SLC30A6: variants seen among roughly 807,000 people sequenced by gnomAD.
The protein encoded by SLC30A6 is solute carrier family 30 member 6.
A neutral mutation model predicts 63.0 loss-of-function variants in SLC30A6; 55 were observed. That is an observed-to-expected ratio of 0.87 (90% CI 0.70 to 1.09). The LOEUF (loss-of-function observed/expected upper bound fraction) is 1.09. Ranked by LOEUF, SLC30A6 falls within the 50% of genes least tolerant of loss-of-function variation. The pLI is 0.00. For synonymous variants in SLC30A6, 224 were observed against 186.1 expected (o/e 1.20, Z -1.66); for missense variants, 587 against 549.2 (o/e 1.07, Z -0.69).
Position 32,220,706 on chromosome 2 carries a change from G to A in SLC30A6, c.1379G>A (p.Arg460Lys). 6.2e-7 allele frequency: 1 copy of A among 1,608,056 alleles called. No individual in the cohort carries two copies. Among genetic ancestry groups the A allele is most frequent in the Non-Finnish European group, 8.5e-7 (1 of 1,176,644 alleles). The change falls in exon 14 of 14, where the codon AGA becomes AAA. Residue 460 changes from arginine to lysine, a missense_variant. Physicochemically the swap from Arg to Lys is conservative, Grantham distance 26 (BLOSUM62 2). Transcript: ENST00000282587. ...YGTNNRIGQP[R>K]P The stretch of plus-strand genomic sequence containing the variant: ...ACTAATAATAGAATTGGACAACCAA[G>A]ACCATGATAGACTCTAACTTATTTT...
intron 2 of SLC30A6, 85 bp from the exon 3 acceptor site, chr2:32,173,978 A>G (rs1681470434): frequency 1.0e-6 from 1 of 959,246 alleles, no homozygotes; most frequent in Non-Finnish European, 1.6e-6. Context: ...TCCTTTGAAT[A>G]TCAGAGTATA....
rs750047129 is a variant in SLC30A6, at chr2:32,193,987, T to A, written c.496+4T>A. ...CCTTTTGCTTATGTCTCAGAAGGTA[T>A]GTTTTTTATTTACTATTAATTTAAA... On this transcript the variant is annotated splice_donor_region_variant and intron_variant, in intron 8 of 13. Transcript: ENST00000282587. 1 of 1,601,940 alleles carries A rather than the reference T, an allele frequency of 6.2e-7. No homozygotes were observed. Among genetic ancestry groups the A allele is most frequent in the African/African-American group, 1.3e-5 (1 of 74,432 alleles).
intron 2 of SLC30A6, among the ~76,000 whole-genome samples, chr2:32,173,609 C>G (rs1277628238): frequency 6.6e-6 from 1 of 152,046 alleles, no homozygotes; most frequent in Non-Finnish European, 1.5e-5. Flanking sequence ...TGACCTCCAC[C>G]CACCTTGGCC....
intron 5 of SLC30A6, among the ~76,000 whole-genome samples, chr2:32,189,118 G>T (rs1266374997): frequency 4.6e-5 from 7 of 152,020 alleles, no homozygotes; most frequent in Non-Finnish European, 8.8e-5. Flanking sequence ...TTTATGTTGG[G>T]TATGTGTATC....
In SLC30A6 at chr2:32,170,887, C is replaced by G. The variant is rs115470098; in HGVS notation, c.4-400C>G. On this transcript the variant is annotated intron_variant, in intron 1 of 13. Transcript: ENST00000282587. ...GTGCTGGCATTACAGGCATGAGCCCCAAGCACAACCACATATATAGCTTTA... is the reference window on the plus strand; with the variant it reads ...GTGCTGGCATTACAGGCATGAGCCCGAAGCACAACCACATATATAGCTTTA... Among the ~76,000 whole-genome samples the G allele has an allele frequency of 3.3e-3, 500 of 152,338 alleles. 1 individual carries two copies. The highest frequency in any genetic ancestry group is 0.012 in the African/African-American group (486 of 41,570).
intron 13 of SLC30A6, among the ~76,000 whole-genome samples, chr2:32,216,870 G>A (rs1369155691): frequency 6.6e-6 from 1 of 151,400 alleles, no homozygotes; most frequent in East Asian, 1.9e-4. Flanking sequence ...TGGTTGTCTC[G>A]CAAGATTCTT....
At chr2:32,166,571 G>A (rs571165795) in intron 1 of SLC30A6, among the ~76,000 whole-genome samples, 1 of 152,358 alleles carries the variant, frequency 6.6e-6, no homozygotes, top group South Asian at 2.1e-4. Flanking sequence ...TGCCTTTAGA[G>A]CTCAAATATA....
rs770849309 is a variant in SLC30A6, at chr2:32,175,283, A to G, written c.176-36A>G. 15 of 1,590,846 alleles carry G rather than the reference A, an allele frequency of 9.4e-6. No homozygotes were observed. In the East Asian group the frequency reaches 1.1e-4, roughly 12 times the overall value. ...CTTGCTGTATTTTTTTAGAGGGGTC[A>G]GTAATACTTTTAATCATTTTTTTGT... On this transcript the variant is annotated intron_variant, in intron 3 of 13. Coordinates refer to ENST00000282587, the MANE Select transcript of SLC30A6 (RefSeq NM_017964.5).
intron 1 of SLC30A6, among the ~76,000 whole-genome samples, chr2:32,168,421 ATAAT>A (rs1282871588): frequency 6.9e-6 from 1 of 145,888 alleles, no homozygotes; most frequent in Non-Finnish European, 1.5e-5. Context: ...GAAAATATAA[ATAAT>A]ATAAATATAT....
At chr2:32,186,268 C>G (rs188491139) in intron 5 of SLC30A6, among the ~76,000 whole-genome samples, 21 of 152,292 alleles carry the variant, frequency 1.4e-4, no homozygotes, top group Admixed American at 1.4e-3. Context: ...CTCCTGGCCT[C>G]AAAGTGCCAG....
At chr2:32,203,580 C>G in intron 10 of SLC30A6, 1 of 1,598,958 alleles carries the variant, frequency 6.3e-7, no homozygotes, top group Non-Finnish European at 8.6e-7. Context: ...CTCTGGAAAG[C>G]CTAGAGGAAA....
chr2:32,209,949 A>G (rs1041677369), intron 13 of SLC30A6, among the ~76,000 whole-genome samples: 15 of 152,326 alleles, frequency 9.8e-5, no homozygotes, highest in Admixed American at 2.6e-4. Context: ...TAAAAGTGCA[A>G]TTGCTTTCTT....
At position 32,220,498 on chromosome 2, in the gene SLC30A6, A is replaced by G. The variant is rs553457793; in HGVS notation, c.1171A>G (p.Thr391Ala). The change falls in exon 14 of 14, where the codon ACT becomes GCT. Residue 391 changes from threonine (T) to alanine (A), a missense_variant. Thr to Ala is a moderately conservative substitution (Grantham distance 58). Coordinates refer to ENST00000282587, the MANE Select transcript of SLC30A6 (RefSeq NM_017964.5). Reference protein sequence around the residue: ...SSPPPEFSFNTPGKNVNPVIL... With the variant: ...SSPPPEFSFNAPGKNVNPVIL... Reference sequence around the variant, plus strand: ...TCCACCTCCAGAATTTTCATTTAACACTCCTGGGAAAAATGTGAACCCAGT... The same window carrying G: ...TCCACCTCCAGAATTTTCATTTAACGCTCCTGGGAAAAATGTGAACCCAGT... 1.2e-4 allele frequency: 192 copies of G among 1,614,054 alleles called. 1 individual carries two copies. The South Asian group carries it at 2.0e-3, about 17-fold the overall frequency.
intron 10 of SLC30A6, among the ~76,000 whole-genome samples, chr2:32,201,043 T>A (rs1456705100): frequency 6.6e-6 from 1 of 152,162 alleles, no homozygotes; most frequent in Admixed American, 6.5e-5. Context: ...TTGAAGTCTC[T>A]GCCCAAATGT....
chr2:32,170,041 C>T (rs1303123505), intron 1 of SLC30A6, among the ~76,000 whole-genome samples: 1 of 151,938 alleles, frequency 6.6e-6, no homozygotes, highest in African/African-American at 2.4e-5. Flanking sequence ...TCAGTTTGAC[C>T]TTCTTAAAGT....
At chr2:32,204,139 AT>A (rs1430604453) in intron 10 of SLC30A6, 14 of 371,854 alleles carry the variant, frequency 3.8e-5, no homozygotes, top group African/African-American at 2.5e-4. Flanking sequence ...TTTAAAAAGT[AT>A]TTCACAAGAA....
intron 7 of SLC30A6, 69 bp from the exon 8 acceptor site, chr2:32,193,820 C>G: frequency 8.2e-7 from 1 of 1,215,500 alleles, no homozygotes; most frequent in Non-Finnish European, 1.2e-6. Flanking sequence ...AGTCCCTCTA[C>G]GTATTGAAAT....
chr2:32,210,576 C>T (rs968580702), intron 13 of SLC30A6, among the ~76,000 whole-genome samples: 9 of 145,140 alleles, frequency 6.2e-5, no homozygotes, highest in Admixed American at 6.2e-4. Flanking sequence ...ATAATTAGCT[C>T]TTTTTGTTTA....
chr2:32,215,516 A>ATATATATATATATTT (rs757005665), intron 13 of SLC30A6, among the ~76,000 whole-genome samples: 2 of 132,504 alleles, frequency 1.5e-5, no homozygotes, highest in Admixed American at 7.9e-5. Flanking sequence ...ATATATATAT[A>ATATATATATATATTT]TTTTTTTTTT....
Sources: gnomAD v4.1 joint callset for allele counts (sites outside exome capture counted in the v4.1 genomes callset) on GRCh38, gnomAD v4.1.1 for gene constraint, MANE v1.5 for transcripts, NCBI Gene and HGNC (gene_info 2026-07-23, HGNC 2026-07-21) for gene names.